Variants in SLIT3 observed in about 807,000 individuals in gnomAD.
SLIT3 encodes the protein slit guidance ligand 3.
In SLIT3, 68 loss-of-function variants were observed where a neutral mutation model predicts 184.0. The ratio of observed to expected loss-of-function variants is 0.37; its 90% confidence interval spans 0.30 to 0.45. The LOEUF (loss-of-function observed/expected upper bound fraction) is 0.45, where lower values mean the gene tolerates loss of function less well. SLIT3 is among the 20% of genes least tolerant of loss of function. SLIT3 has a pLI of 1.00. For missense variants in SLIT3, 1,707 were observed against 2,026.0 expected, an observed-to-expected ratio of 0.84 and a Z score of 3.02; for synonymous variants, 831 against 828.6, an observed-to-expected ratio of 1.00 and a Z score of -0.05.
At chr5:168,830,825 G>A (rs1229780176) in intron 6 of SLIT3, among the ~76,000 whole-genome samples, 2 of 152,192 alleles carry the variant, frequency 1.3e-5, no homozygotes, top group Non-Finnish European at 2.9e-5. Context: ...GCCTCTTACA[G>A]GATTGTCTTC....
chr5:168,805,128 A>G (rs984868481), intron 9 of SLIT3, among the ~76,000 whole-genome samples: 6 of 152,206 alleles, frequency 3.9e-5, no homozygotes, highest in Non-Finnish European at 5.9e-5. Flanking sequence ...CATCACTAGA[A>G]GGCAAGTGTC....
intron 4 of SLIT3, chr5:169,023,999 A>G (rs1756708263): frequency 6.6e-6 from 1 of 152,216 alleles, no homozygotes; most frequent in Non-Finnish European, 1.5e-5. Flanking sequence ...GTCCTGACCT[A>G]TGGACCTCAT....
intron 4 of SLIT3, among the ~76,000 whole-genome samples, chr5:169,137,395 C>T (rs1334086109): frequency 6.6e-6 from 1 of 150,524 alleles, no homozygotes; most frequent in Admixed American, 6.6e-5. Flanking sequence ...GGAAGGGTAT[C>T]TATTTCCGGC....
intron 4 of SLIT3, among the ~76,000 whole-genome samples, chr5:169,174,877 T>C (rs755196659): frequency 7.9e-5 from 12 of 152,090 alleles, no homozygotes; most frequent in Admixed American, 1.3e-4. Flanking sequence ...AGACGAATGA[T>C]TAAAAAAAAA....
intron 1 of SLIT3, among the ~76,000 whole-genome samples, chr5:169,266,350 C>T (rs891573016): frequency 1.9e-4 from 29 of 152,184 alleles, no homozygotes; most frequent in African/African-American, 6.5e-4. Flanking sequence ...CCTAGGCAAA[C>T]AACAAGATTA....
chr5:169,052,358 G>A (rs1273211769), intron 4 of SLIT3, among the ~76,000 whole-genome samples: 13 of 152,094 alleles, frequency 8.5e-5, no homozygotes, highest in Admixed American at 8.5e-4. Context: ...GGCCACAACA[G>A]ATTTATAAGA....
intron 4 of SLIT3, among the ~76,000 whole-genome samples, chr5:169,189,024 T>C (rs1042609130): frequency 6.6e-6 from 1 of 152,086 alleles, no homozygotes; most frequent in African/African-American, 2.4e-5. Flanking sequence ...ATTTATTGAG[T>C]GACCCAAGCA....
At chr5:169,190,685 C>T (rs1325710066) in intron 4 of SLIT3, among the ~76,000 whole-genome samples, 2 of 152,126 alleles carry the variant, frequency 1.3e-5, no homozygotes, top group African/African-American at 4.8e-5. Context: ...TTGTTTATCC[C>T]ACATGGCATA....
intron 1 of SLIT3, 93 bp from the exon 2 acceptor site, chr5:169,251,552 G>T: frequency 1.2e-6 from 1 of 852,612 alleles, no homozygotes; most frequent in South Asian, 1.4e-5. Context: ...GATGTTGCTT[G>T]TCCAGAAGGC....
At chr5:168,935,708 A>G (rs1460040584) in intron 4 of SLIT3, among the ~76,000 whole-genome samples, 1 of 152,224 alleles carries the variant, frequency 6.6e-6, no homozygotes, top group Non-Finnish European at 1.5e-5. Context: ...AGGGATATAT[A>G]GGATTACAAT....
chr5:169,226,092 T>C (rs1168092862), intron 3 of SLIT3, among the ~76,000 whole-genome samples: 4 of 152,118 alleles, frequency 2.6e-5, no homozygotes, highest in African/African-American at 9.7e-5. Flanking sequence ...CTGCCCTCCA[T>C]ACCCCACTTT....
At chr5:169,205,361 T>TGA (rs1356854522) in intron 3 of SLIT3, among the ~76,000 whole-genome samples, 4 of 152,180 alleles carry the variant, frequency 2.6e-5, no homozygotes, top group Non-Finnish European at 1.5e-5. Context: ...CTCCTTATTC[T>TGA]GAGAGCTGGA....
At chr5:168,701,569 C>T (rs886586850) in intron 26 of SLIT3, among the ~76,000 whole-genome samples, 2 of 152,216 alleles carry the variant, frequency 1.3e-5, no homozygotes, top group African/African-American at 4.8e-5. Flanking sequence ...CTGAGGAAGG[C>T]AGCCCCAAGG....
intron 3 of SLIT3, among the ~76,000 whole-genome samples, chr5:169,224,213 C>A (rs896043275): frequency 2.0e-5 from 3 of 151,952 alleles, no homozygotes; most frequent in South Asian, 2.1e-4. Context: ...AGAATTAAAA[C>A]AAGAAATACA....
intron 12 of SLIT3, among the ~76,000 whole-genome samples, chr5:168,777,304 C>T (rs1322454252): frequency 6.6e-6 from 1 of 152,128 alleles, no homozygotes; most frequent in Non-Finnish European, 1.5e-5. Flanking sequence ...ACCTTCCTTG[C>T]CTTAGTGGTC....
At chr5:168,805,766 C>G (rs1248210413) in intron 9 of SLIT3, among the ~76,000 whole-genome samples, 2 of 152,198 alleles carry the variant, frequency 1.3e-5, no homozygotes, top group Non-Finnish European at 2.9e-5. Context: ...GTCCCCCTCT[C>G]AGATAATGGT....
rs562677162 is a variant in SLIT3 at position 168,906,273 on chromosome 5, C to T, written c.414-22937G>A. On this transcript the variant is annotated intron_variant, in intron 4 of 35. Transcript: ENST00000519560. ...AAACTAATGACTGGTTTGGTGCGACCCTTCCTTGCCTTTGTGTTGCCCATT... is the reference window on the plus strand; with the variant it reads ...AAACTAATGACTGGTTTGGTGCGACTCTTCCTTGCCTTTGTGTTGCCCATT... Among the ~76,000 whole-genome samples the T allele has an allele frequency of 2.6e-5, 4 of 152,216 alleles. No individual in the cohort carries two copies. The South Asian group carries it at 8.3e-4, about 32-fold the overall frequency.
chr5:169,283,966 C>A (rs559241581), intron 1 of SLIT3, among the ~76,000 whole-genome samples: 1 of 152,172 alleles, frequency 6.6e-6, no homozygotes, highest in Non-Finnish European at 1.5e-5. Flanking sequence ...CCTAAGAGAG[C>A]TTCAGGTCCC....
intron 4 of SLIT3, among the ~76,000 whole-genome samples, chr5:169,156,039 T>C (rs1009833902): frequency 1.6e-4 from 25 of 152,200 alleles, no homozygotes; most frequent in African/African-American, 5.8e-4. Flanking sequence ...CACAGAAAGT[T>C]ATTTTACTTA....
Sources: allele counts gnomAD v4.1 joint callset (sites outside exome capture counted in the v4.1 genomes callset), GRCh38; gene constraint gnomAD v4.1.1; transcripts MANE v1.5; gene names NCBI Gene and HGNC (gene_info 2026-07-23, HGNC 2026-07-21).